The following SPECC1L variants were observed in gnomAD, a reference collection of about 807,000 sequenced individuals.
SPECC1L encodes the protein sperm antigen with calponin homology and coiled-coil domains 1 like.
In SPECC1L, 40 loss-of-function variants were observed where a neutral mutation model predicts 116.8. The observed-to-expected ratio is 0.34, with a 90% CI of 0.27 to 0.45. SPECC1L has a LOEUF of 0.45. SPECC1L is among the 20% of genes least tolerant of loss of function. SPECC1L has a pLI of 1.00. For synonymous variants in SPECC1L, 504 were observed against 500.6 expected (o/e 1.01, Z -0.09); for missense variants, 1,110 against 1,373.6 (o/e 0.81, Z 3.03).
intron 4 of SPECC1L, among the ~76,000 whole-genome samples, chr22:24,318,513 A>AAGAGGGG (rs978104776): frequency 1.2e-4 from 18 of 152,124 alleles, no homozygotes; most frequent in East Asian, 7.7e-4. Context: ...AGACCGTGGA[A>AAGAGGGG]AGAGGGGAGA....
chr22:24,409,615 T>C (rs1188581387), intron 14 of SPECC1L, among the ~76,000 whole-genome samples: 2 of 152,138 alleles, frequency 1.3e-5, no homozygotes, highest in Non-Finnish European at 2.9e-5. Context: ...ATTGTGCCAC[T>C]GCACTCCAGC....
At chr22:24,348,375 C>T (rs916430925) in intron 11 of SPECC1L, among the ~76,000 whole-genome samples, 2 of 152,182 alleles carry the variant, frequency 1.3e-5, no homozygotes, top group Non-Finnish European at 2.9e-5. Flanking sequence ...CCATGTAGTA[C>T]CAGCGCCTGA....
intron 14 of SPECC1L, among the ~76,000 whole-genome samples, chr22:24,409,444 A>G (rs2042650584): frequency 1.3e-5 from 2 of 152,168 alleles, no homozygotes; most frequent in African/African-American, 4.8e-5. Context: ...GACTGTTGCA[A>G]ATAAGGGTAA....
chr22:24,305,660 A>G (rs1471974874), intron 3 of SPECC1L, among the ~76,000 whole-genome samples: 1 of 152,194 alleles, frequency 6.6e-6, no homozygotes, highest in African/African-American at 2.4e-5. Context: ...ATTAATACAC[A>G]TGTGCACCCA....
chr22:24,406,752 C>T (rs1227242861), intron 14 of SPECC1L, among the ~76,000 whole-genome samples: 1 of 152,220 alleles, frequency 6.6e-6, no homozygotes, highest in Non-Finnish European at 1.5e-5. Flanking sequence ...ATAATATTAA[C>T]GGGCCGTGGT....
chr22:24,273,173 A>G lies in SPECC1L; in HGVS notation c.-142+2190A>G, dbSNP rs185479748. Among the ~76,000 whole-genome samples, 9 of 152,360 alleles carry G rather than the reference A, an allele frequency of 5.9e-5. No homozygotes were observed. The East Asian group carries it at 1.7e-3, about 29-fold the overall frequency. On this transcript the variant is annotated intron_variant, in intron 1 of 16. Coordinates refer to ENST00000314328, the MANE Select transcript of SPECC1L (RefSeq NM_015330.6). ...TCCTCAGATGTGATTTCTCTGAAGCAGTGGTTCTCTATAACTGACTTGACA... is the reference window on the plus strand; with the variant it reads ...TCCTCAGATGTGATTTCTCTGAAGCGGTGGTTCTCTATAACTGACTTGACA...
intron 14 of SPECC1L, among the ~76,000 whole-genome samples, chr22:24,375,303 A>T (rs891028528): frequency 6.6e-6 from 1 of 152,196 alleles, no homozygotes; most frequent in Non-Finnish European, 1.5e-5. Flanking sequence ...CAAAGAAAAT[A>T]TTACTTCCTA....
chr22:24,305,909 A>G (rs565983383), intron 3 of SPECC1L, among the ~76,000 whole-genome samples: 3 of 150,386 alleles, frequency 2.0e-5, no homozygotes, highest in African/African-American at 7.3e-5. Context: ...AAGATTGAAT[A>G]CCTTTTCATA....
intron 6 of SPECC1L, among the ~76,000 whole-genome samples, chr22:24,326,836 C>T (rs557654027): frequency 1.3e-5 from 2 of 152,236 alleles, no homozygotes; most frequent in Non-Finnish European, 2.9e-5. Flanking sequence ...CAGAATTGCC[C>T]CTGCCGCCAA....
intron 10 of SPECC1L, among the ~76,000 whole-genome samples, chr22:24,339,736 T>C (rs994624712): frequency 1.3e-5 from 2 of 152,230 alleles, no homozygotes; most frequent in Non-Finnish European, 2.9e-5. Context: ...CGCATTTATA[T>C]TGTGAGTTCG....
chr22:24,307,645 G>A lies in SPECC1L; in HGVS notation c.153+5261G>A, dbSNP rs139237532. Among the ~76,000 whole-genome samples, 758 of 152,068 alleles carry A rather than the reference G, an allele frequency of 5.0e-3. 4 individuals are homozygous for A. The highest frequency in any genetic ancestry group is 0.017 in the African/African-American group (714 of 41,468). ...TATGTACGTACGTGTATGTGTATGT[G>A]TTTTTGTTTAAGAAATCTTAACCCA... On this transcript the variant is annotated intron_variant, in intron 3 of 16. Coordinates refer to ENST00000314328, the MANE Select transcript of SPECC1L (RefSeq NM_015330.6).
rs572376311 is a variant in SPECC1L, at chr22:24,409,119, T to C, written c.3088-2469T>C. On this transcript the variant is annotated intron_variant, in intron 14 of 16. Transcript: ENST00000314328. ...GGATTCGTAAAGTGCTTTGTAAACTTTGTAAGATTCTGTACAGATATAGTT... is the reference window on the plus strand; with the variant it reads ...GGATTCGTAAAGTGCTTTGTAAACTCTGTAAGATTCTGTACAGATATAGTT... Among the ~76,000 whole-genome samples, 5 of 152,346 alleles carry C rather than the reference T, an allele frequency of 3.3e-5. No individual in the cohort carries two copies. The South Asian group carries it at 1.0e-3, about 32-fold the overall frequency.
At chr22:24,278,880 T>C (rs930745670) in intron 2 of SPECC1L, among the ~76,000 whole-genome samples, 1 of 152,186 alleles carries the variant, frequency 6.6e-6, no homozygotes, top group Non-Finnish European at 1.5e-5. Context: ...GATCTGGAGT[T>C]TTTCTAGGAC....
At chr22:24,370,687 T>C (rs1049494701) in intron 14 of SPECC1L, among the ~76,000 whole-genome samples, 1 of 152,194 alleles carries the variant, frequency 6.6e-6, no homozygotes, top group South Asian at 2.1e-4. Flanking sequence ...TGTCTGTCGA[T>C]AGAAGAATGG....
intron 2 of SPECC1L, among the ~76,000 whole-genome samples, chr22:24,288,615 C>CTTTTTTTTTTTTTTTTTTTTTTTTTTTT (rs756714389): frequency 1.6e-5 from 1 of 61,678 alleles, no homozygotes; most frequent in Admixed American, 2.2e-4. Flanking sequence ...AAATTTTAAG[C>CTTTTTTTTTTTTTTTTTTTTTTTTTTTT]TTTTTTTTTT....
chr22:24,295,800 T>G (rs931862109), intron 2 of SPECC1L, among the ~76,000 whole-genome samples: 6 of 151,976 alleles, frequency 3.9e-5, no homozygotes, highest in African/African-American at 1.5e-4. Flanking sequence ...ATACAAAAAT[T>G]AGCCAAGCGT....
At chr22:24,299,465 G>A (rs5751840) in intron 2 of SPECC1L, among the ~76,000 whole-genome samples, 3,787 of 152,168 alleles carry the variant, frequency 0.025, 153 homozygotes, top group South Asian at 0.12. Context: ...GGGTATTTGG[G>A]TCTGATATGG....
chr22:24,415,351 TC>T lies in SPECC1L; in HGVS notation c.*730del, dbSNP rs1017065059. The stretch of plus-strand genomic sequence containing the variant: ...CTTGCCTGGACTCAGCGACCTGTCT[TC>T]CAGCCTGGAAGGGGTTTGGAGTCCC... On this transcript the variant is annotated 3_prime_UTR_variant, in exon 17 of 17. Transcript: ENST00000314328. 6 of 152,858 alleles carry T rather than the reference TC, an allele frequency of 3.9e-5. No individual in the cohort carries two copies. The highest frequency in any genetic ancestry group is 1.4e-4 in the African/African-American group (6 of 41,572). 9.5% of individuals were successfully genotyped at this position (152,858 alleles called of 1,614,324 possible).
chr22:24,412,704 A>G lies in SPECC1L; in HGVS notation c.3261A>G (p.Thr1087=). 6.2e-7 allele frequency: 1 copy of G among 1,614,026 alleles called. No individual in the cohort carries two copies. The highest frequency in any genetic ancestry group is 1.3e-5 in the African/African-American group (1 of 75,022). The change falls in exon 16 of 17, where the codon ACA becomes ACG. Residue 1087 remains threonine, a synonymous_variant. Transcript: ENST00000314328. ...CTGAAAGTGTCGGCATCAAATCCAC[A>G]CTGGTGAGCCCTTGTCCCCCTGAGT... ...QAAESVGIKS[T]LDINEMVRTE...
Sources: allele counts gnomAD v4.1 joint callset (sites outside exome capture counted in the v4.1 genomes callset), GRCh38; gene constraint gnomAD v4.1.1; transcripts MANE v1.5; gene names NCBI Gene and HGNC (gene_info 2026-07-23, HGNC 2026-07-21).